The following B3GALT1 variants were observed in gnomAD, a reference collection of about 807,000 sequenced individuals.
B3GALT1 encodes UDP-Gal:betaGlcNAc beta 1,3-galactosyltransferase, polypeptide 1.
A neutral mutation model predicts 23.2 loss-of-function variants in B3GALT1; 10 were observed. That is an observed-to-expected ratio of 0.43 (90% confidence interval 0.27 to 0.73). The LOEUF (loss-of-function observed/expected upper bound fraction) is 0.73. Among genes scored for constraint, B3GALT1 ranks in the 30% least tolerant of loss-of-function variants. B3GALT1 has a pLI of 0.21. For missense variants in B3GALT1, 299 were observed against 405.4 expected (o/e 0.74, Z 2.25); for synonymous variants, 156 against 141.5 (o/e 1.10, Z -0.73).
chr2:167,421,118 A>G (rs80195638), intron 1 of B3GALT1, among the ~76,000 whole-genome samples: 1 of 152,174 alleles, frequency 6.6e-6, no homozygotes, highest in Non-Finnish European at 1.5e-5. Flanking sequence ...CAAGATACTA[A>G]TTGTCTGGTA....
chr2:167,346,213 A>G (rs139338850), intron 1 of B3GALT1, among the ~76,000 whole-genome samples: 140 of 152,014 alleles, frequency 9.2e-4, no homozygotes, highest in African/African-American at 3.3e-3. Flanking sequence ...ATGAAAGGCA[A>G]AGGTGACTCC....
intron 1 of B3GALT1, among the ~76,000 whole-genome samples, chr2:167,303,317 G>A (rs534763711): frequency 1.1e-4 from 17 of 152,030 alleles, no homozygotes; most frequent in Admixed American, 3.3e-4. Flanking sequence ...TCTCCCTCTC[G>A]TATCCTTCCC....
At chr2:167,551,457 T>C (rs758180943) in intron 2 of B3GALT1, among the ~76,000 whole-genome samples, 22 of 152,158 alleles carry the variant, frequency 1.4e-4, no homozygotes, top group Non-Finnish European at 3.1e-4. Context: ...TCTGCAACCA[T>C]GAAATCACAT....
intron 3 of B3GALT1, among the ~76,000 whole-genome samples, chr2:167,683,491 TG>T (rs888542025): frequency 4.6e-4 from 70 of 152,190 alleles, no homozygotes; most frequent in Middle Eastern, 3.4e-3. Flanking sequence ...GAGGCCTAGG[TG>T]GGCAGATGGC....
intron 4 of B3GALT1, among the ~76,000 whole-genome samples, chr2:167,840,014 A>T (rs1488381003): frequency 6.6e-6 from 1 of 152,200 alleles, no homozygotes; most frequent in African/African-American, 2.4e-5. Context: ...CTTACACCTT[A>T]TACAAAAATC....
intron 3 of B3GALT1, among the ~76,000 whole-genome samples, chr2:167,654,649 A>G (rs6761459): frequency 0.5 from 75,402 of 151,710 alleles, 19,643 homozygotes; most frequent in Admixed American, 0.6. Context: ...GTGCACCACC[A>G]TTCCCAGCTA....
intron 1 of B3GALT1, among the ~76,000 whole-genome samples, chr2:167,385,561 T>C (rs1032428686): frequency 1.4e-5 from 2 of 147,092 alleles, no homozygotes; most frequent in African/African-American, 4.9e-5. Flanking sequence ...TGGATTGATT[T>C]GGGTAGCAAT....
chr2:167,548,687 T>TGTGTGTGTGTGTGTGTGTGAGA (rs1553466246), intron 2 of B3GALT1, among the ~76,000 whole-genome samples: 1,782 of 123,856 alleles, frequency 0.014, 74 homozygotes, highest in East Asian at 0.11. Context: ...TGTGTGTGAG[T>TGTGTGTGTGTGTGTGTGTGAGA]GTGTGTGTGT....
chr2:167,801,567 A>G, intron 3 of B3GALT1, among the ~76,000 whole-genome samples: 1 of 152,192 alleles, frequency 6.6e-6, no homozygotes, highest in East Asian at 1.9e-4. Context: ...AGACTGTACT[A>G]TGACTATGCA....
At chr2:167,764,109 A>G (rs1236477939) in intron 3 of B3GALT1, among the ~76,000 whole-genome samples, 7 of 152,206 alleles carry the variant, frequency 4.6e-5, no homozygotes, top group African/African-American at 1.4e-4. Flanking sequence ...GCTGCAATAG[A>G]AAAGTTATCT....
At chr2:167,636,596 C>T (rs1685560082) in intron 2 of B3GALT1, among the ~76,000 whole-genome samples, 1 of 152,072 alleles carries the variant, frequency 6.6e-6, no homozygotes, top group African/African-American at 2.4e-5. Flanking sequence ...AAATGCCCAT[C>T]AATGATAGAC....
chr2:167,312,896 TAAAAC>T (rs1367658618), intron 1 of B3GALT1, among the ~76,000 whole-genome samples: 1 of 152,026 alleles, frequency 6.6e-6, no homozygotes, highest in Admixed American at 6.6e-5. Context: ...ATTATTCTGA[TAAAAC>T]ATAAGATTCA....
rs1241578726 is a variant in B3GALT1, at chr2:167,872,276, T to G, written c.*2256T>G. On this transcript the variant is annotated 3_prime_UTR_variant, in exon 5 of 5. Coordinates refer to ENST00000392690, the MANE Select transcript of B3GALT1 (RefSeq NM_020981.4). Reference sequence around the variant, plus strand: ...ATAGCAAACAGATAGACACAATGAATAAGTGGAAGTCATGGCTTGTTTCTG... The same window carrying G: ...ATAGCAAACAGATAGACACAATGAAGAAGTGGAAGTCATGGCTTGTTTCTG... 6.6e-6 allele frequency: 1 copy of G among 152,142 alleles called. No individual in the cohort carries two copies. The highest frequency in any genetic ancestry group is 1.5e-5 in the Non-Finnish European group (1 of 68,044). 9.4% of individuals were successfully genotyped at this position (152,142 alleles called of 1,614,324 possible). A position where few individuals can be genotyped will look rare whatever the true frequency, so the allele number is the denominator to read the frequency against.
At chr2:167,696,615 T>G (rs11690497) in intron 3 of B3GALT1, among the ~76,000 whole-genome samples, 37,303 of 152,106 alleles carry the variant, frequency 0.25, 5,383 homozygotes, top group Admixed American at 0.31. Flanking sequence ...TTCTATAGAC[T>G]TTTCCCACTT....
intron 2 of B3GALT1, among the ~76,000 whole-genome samples, chr2:167,516,007 G>C (rs1436115459): frequency 6.6e-6 from 1 of 152,002 alleles, no homozygotes; most frequent in African/African-American, 2.4e-5. Context: ...GGCAGAATCA[G>C]TTTTGTCTTC....
intron 1 of B3GALT1, among the ~76,000 whole-genome samples, chr2:167,404,856 T>A (rs1162527512): frequency 6.6e-6 from 1 of 152,216 alleles, no homozygotes; most frequent in Non-Finnish European, 1.5e-5. Context: ...GATGCTTGTT[T>A]AATTGCTGTC....
At chr2:167,866,492 A>G (rs1690220767) in intron 4 of B3GALT1, among the ~76,000 whole-genome samples, 1 of 152,238 alleles carries the variant, frequency 6.6e-6, no homozygotes, top group Non-Finnish European at 1.5e-5. Flanking sequence ...TAATTGGTTG[A>G]TTGATGGATG....
intron 1 of B3GALT1, among the ~76,000 whole-genome samples, chr2:167,425,958 C>T (rs1200909140): frequency 6.6e-6 from 1 of 152,088 alleles, no homozygotes; most frequent in Non-Finnish European, 1.5e-5. Flanking sequence ...TTTAAAGCAC[C>T]TTTTTTTCAT....
chr2:167,813,004 C>CA (rs11372260), intron 3 of B3GALT1, among the ~76,000 whole-genome samples: 14,398 of 143,830 alleles, frequency 0.1, 1,880 homozygotes, highest in East Asian at 0.29. Flanking sequence ...CCACCCCCCC[C>CA]CACACAGTTC....
Sources: allele counts gnomAD v4.1 joint callset (sites outside exome capture counted in the v4.1 genomes callset), GRCh38; gene constraint gnomAD v4.1.1; transcripts MANE v1.5; gene names NCBI Gene and HGNC (gene_info 2026-07-23, HGNC 2026-07-21).